The following BMP8A variants were observed in gnomAD, a reference collection of about 807,000 sequenced individuals.
BMP8A encodes the protein BMP-8A.
A neutral mutation model predicts 36.8 loss-of-function variants in BMP8A; 14 were observed. The observed-to-expected ratio is 0.38, with a 90% CI of 0.25 to 0.60. The LOEUF (loss-of-function observed/expected upper bound fraction) is 0.60, where lower values mean the gene tolerates loss of function less well. Among genes scored for constraint, BMP8A ranks in the 20% least tolerant of loss-of-function variants. BMP8A has a pLI of 0.63. For missense variants in BMP8A, 267 were observed against 551.1 expected, an observed-to-expected ratio of 0.48 and a Z score of 5.16; for synonymous variants, 120 against 237.7, an observed-to-expected ratio of 0.50 and a Z score of 4.55.
intron 3 of BMP8A, among the ~76,000 whole-genome samples, chr1:39,518,094 A>ATT (rs1557693794): frequency 6.7e-6 from 1 of 150,310 alleles, no homozygotes; most frequent in African/African-American, 2.5e-5. Flanking sequence ...TAAAATTAAG[A>ATT]TTGTGTGTGT....
chr1:39,506,308 C>T (rs1300397726), intron 1 of BMP8A, among the ~76,000 whole-genome samples: 1 of 152,102 alleles, frequency 6.6e-6, no homozygotes, highest in African/African-American at 2.4e-5. Flanking sequence ...CTCCCAGGTT[C>T]AAGCAGTTCT....
At chr1:39,519,763 G>T (rs1183768832) in intron 3 of BMP8A, among the ~76,000 whole-genome samples, 1 of 151,430 alleles carries the variant, frequency 6.6e-6, no homozygotes, top group Non-Finnish European at 1.5e-5. Flanking sequence ...ACATCTGTGT[G>T]TGTGATGTCT....
In BMP8A at chr1:39,498,228, G is replaced by T. The variant is rs116244066; in HGVS notation, c.334+5903G>T. ...GCCCACCCCCTGCCTGCTGATGGGG[G>T]CTCCTCCGGGCTGAGGCACAGGGTG... On this transcript the variant is annotated intron_variant, in intron 1 of 6. Transcript: ENST00000331593. Among the ~76,000 whole-genome samples the T allele has an allele frequency of 8.7e-3, 1,318 of 152,226 alleles. 16 individuals are homozygous for T. Among genetic ancestry groups the T allele is most frequent in the African/African-American group, 0.03 (1,251 of 41,542 alleles).
At chr1:39,501,419 G>A (rs2377804) in intron 1 of BMP8A, among the ~76,000 whole-genome samples, 117,103 of 152,182 alleles carry the variant, frequency 0.77, 47,550 homozygotes, top group Non-Finnish European at 0.9. Context: ...CCATGGCACA[G>A]TGACAGCTCA....
chr1:39,495,767 G>A (rs1160765482), intron 1 of BMP8A, among the ~76,000 whole-genome samples: 1 of 149,404 alleles, frequency 6.7e-6, no homozygotes, highest in Non-Finnish European at 1.5e-5. Flanking sequence ...GAGGAAGGAT[G>A]GCAGGAAGGA....
intron 3 of BMP8A, among the ~76,000 whole-genome samples, chr1:39,518,275 C>T (rs1265967160): frequency 6.9e-6 from 1 of 144,576 alleles, no homozygotes; most frequent in Non-Finnish European, 1.5e-5. Context: ...ATTGGAGCCT[C>T]ACCCTGCAGG....
chr1:39,525,678 C>T lies in BMP8A; in HGVS notation c.1089C>T (p.Pro363=). 1 of 1,614,114 alleles carries T rather than the reference C, an allele frequency of 6.2e-7. No homozygotes were observed. The highest frequency in any genetic ancestry group is 8.5e-7 in the Non-Finnish European group (1 of 1,180,018). The part of the protein sequence containing the change: ...LVHLMKPNAV[P]KACCAPTKLS... ...ACCTGATGAAGCCAAACGCAGTCCCCAAGGCGTGCTGTGCACCCACCAAGC... is the reference window on the plus strand; with the variant it reads ...ACCTGATGAAGCCAAACGCAGTCCCTAAGGCGTGCTGTGCACCCACCAAGC... Residue 363 remains proline, a synonymous_variant, in exon 7 of 7, where the codon CCC becomes CCT. Transcript: ENST00000331593.
At chr1:39,511,396 A>AC in intron 2 of BMP8A, 33 bp downstream of exon 2, 1 of 632,940 alleles carries the variant, frequency 1.6e-6, no homozygotes, top group Non-Finnish European at 2.8e-6. Context: ...GCCCCACCTA[A>AC]CCCCCCACCT....
In BMP8A at chr1:39,523,075, C is replaced by G. The variant is rs1645445280; in HGVS notation, c.1017C>G (p.Asp339Glu). ...YCEGECSFPL[D>E]SCMNATNHAI... ...AGGGGGAGTGCTCCTTCCCGCTGGA[C>G]TCCTGCATGAACGCCACCAACCACG... Residue 339 changes from aspartate to glutamate, a missense_variant, in exon 6 of 7, where the codon GAC becomes GAG. By Grantham distance (45) the Asp-to-Glu change is conservative. Coordinates refer to ENST00000331593, the MANE Select transcript of BMP8A (RefSeq NM_181809.4). 6.2e-7 allele frequency: 1 copy of G among 1,614,034 alleles called. No homozygotes were observed. The highest frequency in any genetic ancestry group is 1.3e-5 in the African/African-American group (1 of 75,020).
Position 39,525,857 on chromosome 1 carries a change from G to A in BMP8A, c.*59G>A. 6.2e-7 allele frequency: 1 copy of A among 1,605,516 alleles called. No homozygotes were observed. Among genetic ancestry groups the A allele is most frequent in the Non-Finnish European group, 8.5e-7 (1 of 1,177,788 alleles). ...CTCATCTGGATCGGGCCCTGCAGAG[G>A]CAGAAAACCCTTAAATGCTGTCACA... On this transcript the variant is annotated 3_prime_UTR_variant, in exon 7 of 7. Transcript: ENST00000331593.
In BMP8A at chr1:39,491,908, G is replaced by C; in HGVS notation, c.-84G>C. 9.7e-7 allele frequency: 1 copy of C among 1,026,868 alleles called. No homozygotes were observed. Among genetic ancestry groups the C allele is most frequent in the South Asian group, 4.6e-5 (1 of 21,746 alleles). 63.6% of individuals were successfully genotyped at this position (1,026,868 alleles called of 1,614,324 possible). A position where few individuals can be genotyped will look rare whatever the true frequency, so the allele number is the denominator to read the frequency against. ...CCCCGCCCCCTGCTCGCCGAACTCA[G>C]CTCCCCGTTCGCCGTCGGGGCGTCC... On this transcript the variant is annotated 5_prime_UTR_variant, in exon 1 of 7. Coordinates refer to ENST00000331593, the MANE Select transcript of BMP8A (RefSeq NM_181809.4).
chr1:39,503,493 A>G (rs1645270545), intron 1 of BMP8A, among the ~76,000 whole-genome samples: 2 of 144,938 alleles, frequency 1.4e-5, no homozygotes, highest in Admixed American at 6.9e-5. Context: ...TAGTGGCATT[A>G]TGCTTACAGT....
At position 39,492,145 on chromosome 1, in the gene BMP8A, C is replaced by A; in HGVS notation, c.154C>A (p.Leu52Ile). ...CGTGCAGCGCGAGATCCTGGCGGTG[C>A]TCGGGCTACCCGGGCGGCCCCGGCC... ...RDVQREILAVLGLPGRPRPRA... is the reference protein window; with the variant it reads ...RDVQREILAVIGLPGRPRPRA... The change falls in exon 1 of 7, where the codon CTC becomes ATC. Residue 52 changes from leucine (L) to isoleucine (I), a missense_variant. This residue lies in a region of BMP8A where 56 missense variants were observed against 74.1 expected (regional missense o/e 0.76). Transcript: ENST00000331593. 1 of 1,267,280 alleles carries A rather than the reference C, an allele frequency of 7.9e-7. No homozygotes were observed. Among genetic ancestry groups the A allele is most frequent in the Non-Finnish European group, 9.9e-7 (1 of 1,012,186 alleles). 78.5% of individuals were successfully genotyped at this position (1,267,280 alleles called of 1,614,324 possible).
rs1417050443 is a variant in BMP8A at position 39,492,203 on chromosome 1, C to G, written c.212C>G (p.Ala71Gly). The G allele has an allele frequency of 7.0e-7, 1 of 1,423,610 alleles. No homozygotes were observed. The highest frequency in any genetic ancestry group is 9.1e-7 in the Non-Finnish European group (1 of 1,096,212). The allele number at this position is 1,423,610 out of a possible 1,614,324, so 88.2% of individuals were successfully genotyped here. ...CCACCCGCCGCCTCCCGGCTGCCCG[C>G]GTCCGCGCCGCTCTTCATGCTGGAC... ...RAPPAASRLP[A>G]SAPLFMLDLY... The change falls in exon 1 of 7, where the codon GCG (alanine) becomes GGG (glycine). Residue 71 changes from alanine to glycine, a missense_variant. Ala to Gly is a moderately conservative substitution (Grantham distance 60). Transcript: ENST00000331593.
At chr1:39,492,953 C>T (rs1361990996) in intron 1 of BMP8A, among the ~76,000 whole-genome samples, 2 of 152,178 alleles carry the variant, frequency 1.3e-5, no homozygotes, top group East Asian at 1.9e-4. Flanking sequence ...TGTGGAATGG[C>T]CCAGTGGGCA....
intron 3 of BMP8A, among the ~76,000 whole-genome samples, chr1:39,517,790 G>A (rs1372829582): frequency 2.6e-5 from 4 of 152,238 alleles, no homozygotes; most frequent in African/African-American, 4.8e-5. Flanking sequence ...GGAAGGGACC[G>A]GGTGATGGGA....
chr1:39,504,902 C>T (rs1178084474), intron 1 of BMP8A, among the ~76,000 whole-genome samples: 1 of 151,878 alleles, frequency 6.6e-6, no homozygotes, highest in African/African-American at 2.4e-5. Flanking sequence ...AGGAAAGTTG[C>T]CGTGCCTCGA....
At position 39,515,680 on chromosome 1, in the gene BMP8A, C is replaced by T; in HGVS notation, c.673+3776C>T. 1.3e-6 allele frequency: 2 copies of T among 1,575,324 alleles called. 1 individual carries two copies. The highest frequency in any genetic ancestry group is 1.7e-6 in the Non-Finnish European group (2 of 1,150,028). On this transcript the variant is annotated intron_variant, in intron 3 of 6. Transcript: ENST00000331593. ...ATGTGCAAAGCTGCAGACGTCACGG[C>T]GGTGGAGGTGGGGGCTTCCCCCCAG...
chr1:39,522,331 C>T, intron 4 of BMP8A, 72 bp from the exon 5 acceptor site: 9 of 1,387,806 alleles, frequency 6.5e-6, no homozygotes, highest in African/African-American at 1.4e-5. Context: ...GGGCATCCCC[C>T]ACCCTGGTAC....
Sources: gnomAD v4.1 joint callset for allele counts (sites outside exome capture counted in the v4.1 genomes callset) on GRCh38, gnomAD v4.1.1 for gene constraint, gnomAD v4.1.1 regional missense constraint, MANE v1.5 for transcripts, NCBI Gene and HGNC (gene_info 2026-07-23, HGNC 2026-07-21) for gene names.